PPP4R3B: variants seen among roughly 807,000 people sequenced by gnomAD.
PPP4R3B encodes the protein serine/threonine-protein phosphatase 4 regulatory subunit 3B.
Under a neutral mutation model 95.4 loss-of-function variants are expected in PPP4R3B, and 52 were observed. That is an observed-to-expected ratio of 0.54 (90% CI 0.44 to 0.69). PPP4R3B has a LOEUF of 0.69. PPP4R3B is among the 30% of genes least tolerant of loss of function. The pLI, the probability that PPP4R3B is intolerant of heterozygous loss-of-function variation, is 0.00. For missense variants in PPP4R3B, 1,003 were observed against 1,005.9 expected, an observed-to-expected ratio of 1.00 and a Z score of 0.04; for synonymous variants, 407 against 343.9, an observed-to-expected ratio of 1.18 and a Z score of -2.03.
At chr2:55,602,672 C>T (rs1692791652) in intron 3 of PPP4R3B, among the ~76,000 whole-genome samples, 1 of 152,218 alleles carries the variant, frequency 6.6e-6, no homozygotes, top group Non-Finnish European at 1.5e-5. Flanking sequence ...CCATATATCA[C>T]TGCTGGGAGA....
At chr2:55,559,699 A>G (rs1259681248) in intron 15 of PPP4R3B, among the ~76,000 whole-genome samples, 1 of 152,164 alleles carries the variant, frequency 6.6e-6, no homozygotes, top group Non-Finnish European at 1.5e-5. Context: ...AGGCCTCCCC[A>G]GCTATGTGGA....
intron 14 of PPP4R3B, 94 bp from the exon 15 acceptor site, chr2:55,564,591 A>T: frequency 1.8e-6 from 2 of 1,117,180 alleles, no homozygotes; most frequent in Non-Finnish European, 2.5e-6. Context: ...GATGAACTGA[A>T]GTAATTTTAA....
chr2:55,604,411 C>G (rs1693094372), intron 2 of PPP4R3B, among the ~76,000 whole-genome samples: 1 of 152,164 alleles, frequency 6.6e-6, no homozygotes, highest in African/African-American at 2.4e-5. Flanking sequence ...CTGTTGCTTC[C>G]AGAAAATCAG....
intron 3 of PPP4R3B, among the ~76,000 whole-genome samples, chr2:55,600,988 A>C (rs1418509606): frequency 6.6e-6 from 1 of 151,920 alleles, no homozygotes; most frequent in African/African-American, 2.4e-5. Context: ...CACTACAAAA[A>C]ATACAAAAAT....
intron 16 of PPP4R3B, among the ~76,000 whole-genome samples, chr2:55,554,598 G>C (rs1685607514): frequency 6.6e-6 from 1 of 152,120 alleles, no homozygotes; most frequent in Non-Finnish European, 1.5e-5. Context: ...TTTAAAACGG[G>C]GTTGTCATGC....
chr2:55,564,057 T>G (rs990024245), intron 15 of PPP4R3B, among the ~76,000 whole-genome samples: 8 of 152,184 alleles, frequency 5.3e-5, no homozygotes, highest in African/African-American at 1.9e-4. Flanking sequence ...GAAAGAAAAG[T>G]ATAAGTAGAT....
chr2:55,605,917 A>G (rs1265250026), intron 2 of PPP4R3B, among the ~76,000 whole-genome samples: 1 of 151,836 alleles, frequency 6.6e-6, no homozygotes, highest in Non-Finnish European at 1.5e-5. Context: ...AAAAAAAAAA[A>G]AAAAAAAGAA....
chr2:55,587,813 T>G (rs1031074685), intron 5 of PPP4R3B, among the ~76,000 whole-genome samples: 7 of 152,160 alleles, frequency 4.6e-5, no homozygotes, highest in African/African-American at 1.7e-4. Context: ...TTCTCTAGTC[T>G]AAAACACCAA....
intron 5 of PPP4R3B, 77 bp from the exon 6 acceptor site, chr2:55,586,811 G>A: frequency 2.5e-6 from 2 of 807,958 alleles, no homozygotes; most frequent in Non-Finnish European, 4.0e-6. Context: ...CTACCATGGT[G>A]TGGTATTCAC....
chr2:55,603,971 A>C lies in PPP4R3B; in HGVS notation c.297+7T>G. 1 of 1,587,342 alleles carries C rather than the reference A, an allele frequency of 6.3e-7. No homozygotes were observed. Among genetic ancestry groups the C allele is most frequent in the Non-Finnish European group, 8.6e-7 (1 of 1,169,214 alleles). Reference sequence around the variant, plus strand: ...CATTAAGTTAAATATTATAAAAAGAAACTTACCTGACAAATTTTTTCCCAG... The same window carrying C: ...CATTAAGTTAAATATTATAAAAAGACACTTACCTGACAAATTTTTTCCCAG... On this transcript the variant is annotated splice_region_variant and intron_variant, in intron 3 of 16. Coordinates refer to ENST00000616407, the MANE Select transcript of PPP4R3B (RefSeq NM_001122964.3).
At chr2:55,593,271 T>C (rs192865519) in intron 4 of PPP4R3B, among the ~76,000 whole-genome samples, 60 of 152,350 alleles carry the variant, frequency 3.9e-4, no homozygotes, top group African/African-American at 9.6e-4. Context: ...TAAAGTCTTA[T>C]GTCCCTATCA....
rs1340884334 is a variant in PPP4R3B at position 55,617,270 on chromosome 2, G to A, written c.16C>T (p.Arg6Trp). The A allele has an allele frequency of 1.9e-6, 3 of 1,597,488 alleles. No homozygotes were observed. The Admixed American group carries it at 5.2e-5, about 28-fold the overall frequency. ...TTCAGGGTATAGACCTTCACTCGCC[G>A]CCGCGTATCCGACATGGTGGCTGCT... is the stretch of plus-strand genomic sequence containing the variant. MSDTR[R>W]RVKVYTLNED... is the part of the protein sequence containing the mutation. The change falls in exon 1 of 17, where the codon CGG (arginine) becomes TGG (tryptophan). Residue 6 changes from arginine (R) to tryptophan (W), a missense_variant. This residue lies in a region of PPP4R3B where 695 missense variants were observed against 686.2 expected (regional missense o/e 1.01). Transcript: ENST00000616407.
At chr2:55,589,380 T>A (rs1370492924) in intron 4 of PPP4R3B, among the ~76,000 whole-genome samples, 1 of 152,012 alleles carries the variant, frequency 6.6e-6, no homozygotes, top group African/African-American at 2.4e-5. Context: ...AGGAAAACAG[T>A]AAAGGAGGCT....
At chr2:55,607,809 T>C (rs756101599) in intron 2 of PPP4R3B, among the ~76,000 whole-genome samples, 48 of 152,204 alleles carry the variant, frequency 3.2e-4, no homozygotes, top group Non-Finnish European at 5.4e-4. Context: ...ACTAGATCTA[T>C]AGATAGTACT....
At chr2:55,600,460 G>A (rs1336593695) in intron 3 of PPP4R3B, among the ~76,000 whole-genome samples, 7 of 77,312 alleles carry the variant, frequency 9.1e-5, no homozygotes, top group South Asian at 7.0e-4. Flanking sequence ...AAAAAAAGGC[G>A]GGCAGGGGTG....
Position 55,617,240 on chromosome 2 carries a change from C to T in PPP4R3B, c.46G>A (p.Asp16Asn), listed in dbSNP as rs772108243. 3 of 1,614,088 alleles carry T rather than the reference C, an allele frequency of 1.9e-6. No homozygotes were observed. The highest frequency in any genetic ancestry group is 2.5e-6 in the Non-Finnish European group (3 of 1,179,956). Reference protein sequence around the residue: ...RRVKVYTLNEDRQWDDRGTGH... With the variant: ...RRVKVYTLNENRQWDDRGTGH... ...GTGCCTCGGTCGTCCCATTGCCGGT[C>T]TTCGTTCAGGGTATAGACCTTCACT... Residue 16 changes from aspartate (D) to asparagine (N), a missense_variant, in exon 1 of 17, where the codon GAC becomes AAC. Transcript: ENST00000616407.
At chr2:55,589,572 A>C (rs1690668354) in intron 4 of PPP4R3B, among the ~76,000 whole-genome samples, 1 of 152,216 alleles carries the variant, frequency 6.6e-6, no homozygotes, top group African/African-American at 2.4e-5. Flanking sequence ...ATTAAAAAGA[A>C]AGACAAGTGC....
At chr2:55,586,802 T>G (rs1690207217) in intron 5 of PPP4R3B, 68 bp from the exon 6 acceptor site, 3 of 893,606 alleles carry the variant, frequency 3.4e-6, no homozygotes, top group Non-Finnish European at 5.3e-6. Flanking sequence ...AGTAATCATC[T>G]ACCATGGTGT....
At chr2:55,586,223 T>C (rs1261786968) in intron 6 of PPP4R3B, among the ~76,000 whole-genome samples, 1 of 152,168 alleles carries the variant, frequency 6.6e-6, no homozygotes, top group Non-Finnish European at 1.5e-5. Context: ...TTCCATAAAG[T>C]AAATACCAAT....
Sources: gnomAD v4.1 joint callset for allele counts (sites outside exome capture counted in the v4.1 genomes callset) on GRCh38, gnomAD v4.1.1 for gene constraint, gnomAD v4.1.1 regional missense constraint, MANE v1.5 for transcripts, NCBI Gene and HGNC (gene_info 2026-07-23, HGNC 2026-07-21) for gene names.